The following C1GALT1 variants were observed in gnomAD, a reference collection of about 807,000 sequenced individuals.
The protein encoded by C1GALT1 is core 1 synthase, glycoprotein-N-acetylgalactosamine 3-beta-galactosyltransferase 1.
C1GALT1 carries 11 observed loss-of-function variants against 31.0 expected under a neutral mutation model. That is an observed-to-expected ratio of 0.36 (90% CI 0.22 to 0.59). The LOEUF (loss-of-function observed/expected upper bound fraction) is 0.59. Ranked by LOEUF, C1GALT1 falls within the 20% of genes least tolerant of loss-of-function variation. The probability of loss-of-function intolerance (pLI) is 0.79; values close to 1 mark genes in which losing one functional copy is unlikely to be tolerated. For missense variants in C1GALT1, 424 were observed against 425.2 expected (o/e 1.00, Z 0.03); for synonymous variants, 175 against 143.6 (o/e 1.22, Z -1.56).
In C1GALT1 at chr7:7,244,054, T is replaced by C. The variant is rs1295011931; in HGVS notation, c.*327T>C. The C allele has an allele frequency of 5.2e-5, 9 of 173,760 alleles. No individual in the cohort carries two copies. The highest frequency in any genetic ancestry group is 7.3e-5 in the Non-Finnish European group (6 of 82,120). 10.8% of individuals were successfully genotyped at this position (173,760 alleles called of 1,614,324 possible). ...TGTTATTGTCACTGAGAAACTAAAA[T>C]AGTAAATTTACTAAAACTACACTGC... On this transcript the variant is annotated 3_prime_UTR_variant, in exon 4 of 4. Transcript: ENST00000436587.
At chr7:7,242,701 C>A (rs970480556) in intron 3 of C1GALT1, among the ~76,000 whole-genome samples, 1 of 151,930 alleles carries the variant, frequency 6.6e-6, no homozygotes, top group Non-Finnish European at 1.5e-5. Flanking sequence ...CTTTCTTGTT[C>A]GTTGTATTGT....
At chr7:7,230,006 T>G (rs950948858) in intron 1 of C1GALT1, among the ~76,000 whole-genome samples, 1 of 152,202 alleles carries the variant, frequency 6.6e-6, no homozygotes, top group African/African-American at 2.4e-5. Flanking sequence ...CTCAAGATAC[T>G]GGGCAGCTTT....
rs1227702096 is a variant in C1GALT1, at chr7:7,206,856, G to C, written c.-18+24036G>C. Among the ~76,000 whole-genome samples, 3 of 151,998 alleles carry C rather than the reference G, an allele frequency of 2.0e-5. No individual in the cohort carries two copies. The East Asian group carries it at 5.8e-4, about 29-fold the overall frequency. On this transcript the variant is annotated intron_variant, in intron 1 of 3. Transcript: ENST00000436587. ...GATAATTTTATTGAGGACTGCTTAT[G>C]TGTGATTAGTTACTTCTTTCAGCTT... is the stretch of plus-strand genomic sequence containing the variant.
At chr7:7,176,001 A>G (rs1369260657) in intron 2 of C1GALT1, among the ~76,000 whole-genome samples, 1 of 152,148 alleles carries the variant, frequency 6.6e-6, no homozygotes, top group African/African-American at 2.4e-5. Flanking sequence ...AAACACATAG[A>G]GGTTCCCAGA....
intron 2 of C1GALT1, among the ~76,000 whole-genome samples, chr7:7,165,320 C>T (rs535795930): frequency 5.7e-4 from 87 of 152,290 alleles, no homozygotes; most frequent in African/African-American, 2.0e-3. Context: ...ATAAAGCACG[C>T]ATCTAGGAGC....
chr7:7,197,269 GT>G (rs36199648), intron 1 of C1GALT1, among the ~76,000 whole-genome samples: 13,900 of 152,198 alleles, frequency 0.091, 797 homozygotes, highest in East Asian at 0.16. Flanking sequence ...TGGCTAGCCA[GT>G]TTTCCCAGCA....
In C1GALT1 at chr7:7,240,230, C is replaced by G. The variant is rs1356697557; in HGVS notation, c.888+1308C>G. ...GCTACTGGCATCTAATGGGTAGAAACCCACTACATTATAAACCTACTAAAT... is the reference window on the plus strand; with the variant it reads ...GCTACTGGCATCTAATGGGTAGAAAGCCACTACATTATAAACCTACTAAAT... On this transcript the variant is annotated intron_variant, in intron 3 of 3. Coordinates refer to ENST00000436587, the MANE Select transcript of C1GALT1 (RefSeq NM_020156.5). Among the ~76,000 whole-genome samples, 6 of 152,136 alleles carry G rather than the reference C, an allele frequency of 3.9e-5. No homozygotes were observed. In the East Asian group the frequency reaches 9.6e-4, roughly 24 times the overall value.
chr7:7,203,209 T>C (rs1296432626), intron 1 of C1GALT1, among the ~76,000 whole-genome samples: 1 of 152,048 alleles, frequency 6.6e-6, no homozygotes, highest in African/African-American at 2.4e-5. Flanking sequence ...TTTTCTTTCC[T>C]AATTGCTCTG....
chr7:7,228,479 G>T (rs551138517), intron 1 of C1GALT1, among the ~76,000 whole-genome samples: 1 of 152,196 alleles, frequency 6.6e-6, no homozygotes, highest in South Asian at 2.1e-4. Context: ...GTGCAGTGTG[G>T]TTAAGCTGTG....
intron 1 of C1GALT1, among the ~76,000 whole-genome samples, chr7:7,190,271 C>T (rs58303681): frequency 0.023 from 3,470 of 152,164 alleles, 134 homozygotes; most frequent in African/African-American, 0.078. Context: ...AAACATCAGG[C>T]CTGGGCTGAG....
At chr7:7,242,154 T>C (rs1783658674) in intron 3 of C1GALT1, among the ~76,000 whole-genome samples, 1 of 151,618 alleles carries the variant, frequency 6.6e-6, no homozygotes, top group Non-Finnish European at 1.5e-5. Flanking sequence ...ATCGCAAAAC[T>C]ATTGCATGTT....
chr7:7,184,078 T>G (rs1303396428), intron 1 of C1GALT1, among the ~76,000 whole-genome samples: 1 of 152,206 alleles, frequency 6.6e-6, no homozygotes, highest in Non-Finnish European at 1.5e-5. Context: ...CCCTCTTAGG[T>G]AAATGGCAGT....
rs780706152 is a variant in C1GALT1, at chr7:7,234,463, A to C, written c.144A>C (p.Ala48=). Reference sequence around the variant, plus strand: ...ATGTTCTTCATAATGATCCTCATGCAAGGCATTCAGATGATAATGGACAGA... The same window carrying C: ...ATGTTCTTCATAATGATCCTCATGCCAGGCATTCAGATGATAATGGACAGA... ...QPNVLHNDPH[A]RHSDDNGQNH... is the part of the protein sequence containing the mutation. The change falls in exon 2 of 4, where the codon GCA becomes GCC. Residue 48 remains alanine (A), a synonymous_variant. Transcript: ENST00000436587. 1.2e-6 allele frequency: 2 copies of C among 1,613,976 alleles called. No individual in the cohort carries two copies. The highest frequency in any genetic ancestry group is 2.2e-5 in the South Asian group (2 of 91,074).
At chr7:7,157,457 T>G (rs551226911) in intron 2 of C1GALT1, 1 of 152,344 alleles carries the variant, frequency 6.6e-6, no homozygotes, top group East Asian at 1.9e-4. Flanking sequence ...GCTATTCTAG[T>G]TGGTTCAGTA....
At position 7,247,997 on chromosome 7, in the gene C1GALT1, C is replaced by A. The variant is rs1282920301; in HGVS notation, c.*4270C>A. The A allele has an allele frequency of 6.6e-6, 1 of 151,976 alleles. No homozygotes were observed. Among genetic ancestry groups the A allele is most frequent in the Non-Finnish European group, 1.5e-5 (1 of 67,884 alleles). The allele number at this position is 151,976 out of a possible 1,614,324, so 9.4% of individuals were successfully genotyped here. On this transcript the variant is annotated 3_prime_UTR_variant, in exon 4 of 4. Transcript: ENST00000436587. ...TAAAGGAAGTAAAGTTATTTGGGTT[C>A]TTCCACTCACCCTTTTCTCAAAAAC...
rs6463658 is a variant in C1GALT1 at position 7,212,259 on chromosome 7, C to T, written c.-17-22044C>T. Among the ~76,000 whole-genome samples, 942 of 152,268 alleles carry T rather than the reference C, an allele frequency of 6.2e-3. 12 individuals are homozygous for T. The highest frequency in any genetic ancestry group is 0.021 in the African/African-American group (879 of 41,568). On this transcript the variant is annotated intron_variant, in intron 1 of 3. Transcript: ENST00000436587. ...TTCTTTACTGACCACAGGTTAGGAG[C>T]CCTGTGCGGGGACTGTGTAGACAAG...
intron 1 of C1GALT1, among the ~76,000 whole-genome samples, chr7:7,188,843 T>G (rs541281278): frequency 2.6e-5 from 4 of 152,278 alleles, no homozygotes; most frequent in African/African-American, 9.6e-5. Context: ...TAAATTAAAG[T>G]GCAGACTAAC....
At chr7:7,159,646 T>G (rs1450541002) in intron 2 of C1GALT1, among the ~76,000 whole-genome samples, 2 of 152,152 alleles carry the variant, frequency 1.3e-5, no homozygotes, top group Non-Finnish European at 2.9e-5. Flanking sequence ...ATTCTAATTT[T>G]CGCTTAATTT....
At chr7:7,214,168 TAACACAATGC>T (rs1782129508) in intron 1 of C1GALT1, among the ~76,000 whole-genome samples, 1 of 152,170 alleles carries the variant, frequency 6.6e-6, no homozygotes, top group Non-Finnish European at 1.5e-5. Flanking sequence ...ACACAGTAGA[TAACACAATGC>T]AAAACAGAAT....
Sources: gnomAD v4.1 joint callset for allele counts (sites outside exome capture counted in the v4.1 genomes callset) on GRCh38, gnomAD v4.1.1 for gene constraint, MANE v1.5 for transcripts, NCBI Gene and HGNC (gene_info 2026-07-23, HGNC 2026-07-21) for gene names.